ANKFN1: variants seen among roughly 807,000 people sequenced by gnomAD.
ANKFN1 encodes the protein ankyrin repeat and fibronectin type-III domain-containing protein 1.
ANKFN1 carries 74 observed loss-of-function variants against 108.7 expected under a neutral mutation model. The ratio of observed to expected loss-of-function variants is 0.68; its 90% CI spans 0.56 to 0.83. ANKFN1 has a LOEUF of 0.83. Among genes scored for constraint, ANKFN1 ranks in the 40% least tolerant of loss-of-function variants. The pLI, the probability that ANKFN1 is intolerant of heterozygous loss-of-function variation, is 0.00. For synonymous variants in ANKFN1, 547 were observed against 516.2 expected (o/e 1.06, Z -0.81); for missense variants, 1,505 against 1,382.3 (o/e 1.09, Z -1.41).
intron 2 of ANKFN1, among the ~76,000 whole-genome samples, chr17:56,216,837 A>C (rs900325478): frequency 6.6e-6 from 1 of 152,194 alleles, no homozygotes; most frequent in Non-Finnish European, 1.5e-5. Context: ...CTGGCCTCCT[A>C]CACCTCAAAT....
chr17:56,383,966 T>C (rs1674924920), intron 8 of ANKFN1, among the ~76,000 whole-genome samples: 1 of 152,232 alleles, frequency 6.6e-6, no homozygotes, highest in African/African-American at 2.4e-5. Context: ...GAATCCTCTC[T>C]AAGTCATTTT....
intron 4 of ANKFN1, among the ~76,000 whole-genome samples, chr17:56,063,109 G>T (rs1179166496): frequency 6.6e-6 from 1 of 152,156 alleles, no homozygotes; most frequent in Non-Finnish European, 1.5e-5. Context: ...TTAGTCTGAT[G>T]GGCTTCCCTT....
intron 6 of ANKFN1, among the ~76,000 whole-genome samples, chr17:56,359,321 A>T (rs2046454013): frequency 6.6e-6 from 1 of 152,224 alleles, no homozygotes; most frequent in Non-Finnish European, 1.5e-5. Flanking sequence ...TTTTGTTGTT[A>T]ATAATGCTGT....
At chr17:56,449,671 G>T (rs946271763) in intron 11 of ANKFN1, among the ~76,000 whole-genome samples, 6 of 151,994 alleles carry the variant, frequency 3.9e-5, no homozygotes, top group Non-Finnish European at 8.8e-5. Flanking sequence ...TCCTCATTTT[G>T]GTAATTACCA....
At chr17:56,505,572 T>G (rs532515879) in intron 20 of ANKFN1, among the ~76,000 whole-genome samples, 1 of 152,232 alleles carries the variant, frequency 6.6e-6, no homozygotes, top group Admixed American at 6.5e-5. Context: ...CAGAGATGAG[T>G]AAGACATACA....
intron 4 of ANKFN1, among the ~76,000 whole-genome samples, chr17:56,059,535 A>G (rs1249759055): frequency 3.3e-5 from 5 of 152,062 alleles, no homozygotes; most frequent in Non-Finnish European, 5.9e-5. Context: ...GGTATTGCCT[A>G]GGTTTTCTTC....
intron 3 of ANKFN1, among the ~76,000 whole-genome samples, chr17:56,287,132 A>G (rs1284431243): frequency 2.6e-5 from 4 of 152,142 alleles, no homozygotes; most frequent in Middle Eastern, 3.2e-3. Flanking sequence ...TATTCTCCCC[A>G]TTTTACAGGT....
chr17:56,110,465 TCG>T (rs1905899083), intron 4 of ANKFN1, among the ~76,000 whole-genome samples: 1 of 152,228 alleles, frequency 6.6e-6, no homozygotes, highest in African/African-American at 2.4e-5. Context: ...GTGGGACTAG[TCG>T]ATTAGTGTCT....
intron 4 of ANKFN1, among the ~76,000 whole-genome samples, chr17:56,088,081 T>C (rs950127612): frequency 1.3e-5 from 2 of 151,346 alleles, no homozygotes; most frequent in Non-Finnish European, 3.0e-5. Context: ...CACGTTGCTC[T>C]TACTTTCCCT....
At chr17:56,212,353 A>T (rs545996723) in intron 1 of ANKFN1, among the ~76,000 whole-genome samples, 1 of 152,044 alleles carries the variant, frequency 6.6e-6, no homozygotes, top group Non-Finnish European at 1.5e-5. Context: ...ATTGACTTGC[A>T]GATGTGAAAC....
chr17:56,092,319 G>GAGTGC (rs1219579248), intron 4 of ANKFN1, among the ~76,000 whole-genome samples: 30 of 145,698 alleles, frequency 2.1e-4, no homozygotes, highest in African/African-American at 7.5e-4. Context: ...ACCCAGGCTG[G>GAGTGC]AGTGCAGTGC....
rs77186593 is a variant in ANKFN1 at position 56,245,756 on chromosome 17, T to C, written c.53+17799T>C. On this transcript the variant is annotated intron_variant, in intron 3 of 20. Coordinates refer to ENST00000682825, the MANE Select transcript of ANKFN1 (RefSeq NM_001370326.1). ...CACTATCAAGGGAAAAGCACTTTTCTGAGGAAACCAGAGAGTCCTACTTTG... is the reference window on the plus strand; with the variant it reads ...CACTATCAAGGGAAAAGCACTTTTCCGAGGAAACCAGAGAGTCCTACTTTG... 198 of 152,280 alleles carry C rather than the reference T, an allele frequency of 1.3e-3. 2 individuals are homozygous for C. The highest frequency in any genetic ancestry group is 4.7e-3 in the African/African-American group (194 of 41,580). The allele number at this position is 152,280 out of a possible 1,614,324, so 9.4% of individuals were successfully genotyped here.
rs367958872 is a variant in ANKFN1 at position 56,125,675 on chromosome 17, C to T, written c.288+79350C>T. Among the ~76,000 whole-genome samples the T allele has an allele frequency of 5.9e-5, 9 of 152,194 alleles. No individual in the cohort carries two copies. The East Asian group carries it at 7.7e-4, about 13-fold the overall frequency. On this transcript the variant is annotated intron_variant, in intron 4 of 12. Coordinates refer to the ANKFN1 transcript ENST00000635860. Reference sequence around the variant, plus strand: ...AAGGAAAGGCACAGAGAGGCCAGTTCACTTTCTCCAGGCATGTGGATCGTT... The same window carrying T: ...AAGGAAAGGCACAGAGAGGCCAGTTTACTTTCTCCAGGCATGTGGATCGTT...
rs770872413 is a variant in ANKFN1 at position 56,466,549 on chromosome 17, A to G, written c.1751A>G (p.Asp584Gly). 5 of 1,612,388 alleles carry G rather than the reference A, an allele frequency of 3.1e-6. No individual in the cohort carries two copies. Among genetic ancestry groups the G allele is most frequent in the Non-Finnish European group, 1.7e-6 (2 of 1,179,106 alleles). ...LSTPEEPTAL[D>G]ILLITIQDIL... ...ACACCTGAGGAGCCAACAGCTTTAG[A>G]CATTCTACTGATAACCATCCAGGTA... is the stretch of plus-strand genomic sequence containing the variant. The change falls in exon 15 of 21, where the codon GAC (aspartate) becomes GGC (glycine). Residue 584 changes from aspartate to glycine, a missense_variant. Asp to Gly is a moderately conservative substitution (Grantham distance 94). Coordinates refer to ENST00000682825, the MANE Select transcript of ANKFN1 (RefSeq NM_001370326.1).
chr17:56,370,128 G>A (rs866113158), intron 6 of ANKFN1, among the ~76,000 whole-genome samples: 8 of 152,246 alleles, frequency 5.3e-5, no homozygotes, highest in African/African-American at 1.9e-4. Context: ...TTACATTAGA[G>A]TTTAGATATC....
chr17:56,366,089 A>G (rs1286137607), intron 6 of ANKFN1, among the ~76,000 whole-genome samples: 1 of 152,162 alleles, frequency 6.6e-6, no homozygotes, highest in Non-Finnish European at 1.5e-5. Flanking sequence ...GATGATGTTG[A>G]TAATGTTGAC....
chr17:56,133,848 A>G (rs755533211), intron 4 of ANKFN1, among the ~76,000 whole-genome samples: 18 of 151,928 alleles, frequency 1.2e-4, no homozygotes, highest in Non-Finnish European at 2.4e-4. Context: ...ATGTGCAGGG[A>G]TATTTTATCA....
rs562514242 is a variant in ANKFN1 at position 56,050,796 on chromosome 17, G to A, written c.288+4471G>A. The stretch of plus-strand genomic sequence containing the variant: ...CAGAGAATACTACAAACACCTCTAC[G>A]CAAATAAACTAGAAAATCTAGAAGA... On this transcript the variant is annotated intron_variant, in intron 4 of 12. Transcript: ENST00000635860. 2.2e-3 allele frequency among the ~76,000 whole-genome samples: 337 copies of A among 152,116 alleles called. 1 individual carries two copies. The highest frequency in any genetic ancestry group is 3.0e-3 in the Non-Finnish European group (207 of 67,994).
intron 3 of ANKFN1, among the ~76,000 whole-genome samples, chr17:56,281,927 A>G (rs778553277): frequency 2.0e-5 from 3 of 152,146 alleles, no homozygotes; most frequent in Non-Finnish European, 4.4e-5. Flanking sequence ...CTATTTGGTA[A>G]TTGATTATAA....
Sources: allele counts gnomAD v4.1 joint callset (sites outside exome capture counted in the v4.1 genomes callset), GRCh38; gene constraint gnomAD v4.1.1; transcripts MANE v1.5; gene names NCBI Gene and HGNC (gene_info 2026-07-23, HGNC 2026-07-21).